DKK2: variants seen among roughly 807,000 people sequenced by gnomAD.
DKK2 encodes dickkopf Wnt signaling pathway inhibitor 2.
In DKK2, 11 loss-of-function variants were observed where a neutral mutation model predicts 28.1. The ratio of observed to expected loss-of-function variants is 0.39; its 90% CI spans 0.25 to 0.65. The LOEUF (loss-of-function observed/expected upper bound fraction) is 0.65. Among genes scored for constraint, DKK2 ranks in the 30% least tolerant of loss-of-function variants. The pLI is 0.47. For synonymous variants in DKK2, 135 were observed against 126.5 expected, an observed-to-expected ratio of 1.07 and a Z score of -0.45; for missense variants, 326 against 335.5, an observed-to-expected ratio of 0.97 and a Z score of 0.22.
intron 1 of DKK2, among the ~76,000 whole-genome samples, chr4:106,964,964 G>GATAGATAGATATAGATAA (rs1371065800): frequency 8.3e-6 from 1 of 120,668 alleles, no homozygotes; most frequent in Non-Finnish European, 1.8e-5. Context: ...GATAGATATA[G>GATAGATAGATATAGATAA]ATAGATAGAT....
chr4:106,941,009 G>C (rs1368990697), intron 1 of DKK2, among the ~76,000 whole-genome samples: 1 of 152,024 alleles, frequency 6.6e-6, no homozygotes, highest in East Asian at 1.9e-4. Flanking sequence ...CCTAATGCTA[G>C]ATGACGAGTT....
chr4:106,944,480 T>A (rs1372887312), intron 1 of DKK2, among the ~76,000 whole-genome samples: 2 of 152,112 alleles, frequency 1.3e-5, no homozygotes, highest in Non-Finnish European at 2.9e-5. Flanking sequence ...AACATCCATA[T>A]ATTTTTTCAT....
chr4:106,957,087 G>T (rs1012409945), intron 1 of DKK2, among the ~76,000 whole-genome samples: 10 of 152,046 alleles, frequency 6.6e-5, no homozygotes, highest in African/African-American at 2.2e-4. Flanking sequence ...CAAAAAGTGG[G>T]CAAAGGACAT....
At chr4:106,959,855 T>C (rs929759976) in intron 1 of DKK2, among the ~76,000 whole-genome samples, 1 of 152,022 alleles carries the variant, frequency 6.6e-6, no homozygotes. Flanking sequence ...GTTCAAGTAA[T>C]TTTTAAATGC....
intron 1 of DKK2, among the ~76,000 whole-genome samples, chr4:106,988,071 A>G (rs922431617): frequency 1.4e-4 from 21 of 152,102 alleles, no homozygotes; most frequent in South Asian, 2.1e-4. Context: ...TCACCATGTT[A>G]GCCAGGATGG....
At chr4:107,022,523 G>A (rs1723712831) in intron 1 of DKK2, among the ~76,000 whole-genome samples, 1 of 152,114 alleles carries the variant, frequency 6.6e-6, no homozygotes, top group South Asian at 2.1e-4. Flanking sequence ...CTACTCATGA[G>A]CTGTGTGGCT....
chr4:106,978,069 G>C (rs916616371), intron 1 of DKK2, among the ~76,000 whole-genome samples: 1 of 152,210 alleles, frequency 6.6e-6, no homozygotes. Flanking sequence ...ACCAGCAGAG[G>C]CTGCAGAACA....
At position 107,035,416 on chromosome 4, in the gene DKK2, T is replaced by C; in HGVS notation, c.176A>G (p.Gln59Arg). Residue 59 changes from glutamine (Q) to arginine (R), a missense_variant, in exon 1 of 4, where the codon CAA becomes CGA. Gln to Arg is a conservative substitution (Grantham distance 43). Coordinates refer to ENST00000285311, the MANE Select transcript of DKK2 (RefSeq NM_014421.3). ...QAANRSAGMY[Q>R]GLAFGGSKKG... ...CTTACTGCCGCCGAATGCCAGTCCT[T>C]GGTACATGCCCGCAGATCGATTGGC... 4.3e-6 allele frequency: 7 copies of C among 1,614,222 alleles called. No homozygotes were observed. The highest frequency in any genetic ancestry group is 5.9e-6 in the Non-Finnish European group (7 of 1,180,034).
intron 1 of DKK2, among the ~76,000 whole-genome samples, chr4:107,013,016 C>A (rs970819778): frequency 3.3e-5 from 5 of 150,772 alleles, no homozygotes; most frequent in African/African-American, 1.2e-4. Flanking sequence ...CCATCCAACC[C>A]AAGAACTATA....
chr4:106,983,362 A>AAGAC (rs1723062043), intron 1 of DKK2, among the ~76,000 whole-genome samples: 1 of 140,654 alleles, frequency 7.1e-6, no homozygotes, highest in African/African-American at 2.6e-5. Flanking sequence ...GAAAGAAAGA[A>AAGAC]AGAAAGAAGA....
intron 1 of DKK2, among the ~76,000 whole-genome samples, chr4:106,966,110 A>T (rs1391227154): frequency 3.9e-5 from 6 of 152,174 alleles, no homozygotes; most frequent in African/African-American, 1.4e-4. Context: ...TTAAGATTTA[A>T]AAATAATTTG....
chr4:106,974,217 TA>T (rs961532621), intron 1 of DKK2, among the ~76,000 whole-genome samples: 3 of 152,122 alleles, frequency 2.0e-5, no homozygotes, highest in Non-Finnish European at 4.4e-5. Context: ...TTGTCTTGGC[TA>T]TATGGGCTCT....
In DKK2 at chr4:106,924,532, C is replaced by T. The variant is rs913105323; in HGVS notation, c.529+13G>A. 4 of 1,611,506 alleles carry T rather than the reference C, an allele frequency of 2.5e-6. No individual in the cohort carries two copies. In the South Asian group the frequency reaches 3.3e-5, roughly 13 times the overall value. On this transcript the variant is annotated intron_variant, in intron 3 of 3. Coordinates refer to ENST00000285311, the MANE Select transcript of DKK2 (RefSeq NM_014421.3). The stretch of plus-strand genomic sequence containing the variant: ...TTATTTTAAAAAAACCCCAGAACTA[C>T]AGATATCCCTACCTTTTATATGTGA...
chr4:106,995,317 A>C (rs1723256335), intron 1 of DKK2, among the ~76,000 whole-genome samples: 1 of 152,138 alleles, frequency 6.6e-6, no homozygotes, highest in Non-Finnish European at 1.5e-5. Flanking sequence ...CTTTCTATAA[A>C]ATTTATAAGT....
chr4:107,028,687 A>G (rs999944968), intron 1 of DKK2, among the ~76,000 whole-genome samples: 3 of 152,262 alleles, frequency 2.0e-5, no homozygotes, highest in African/African-American at 7.2e-5. Context: ...TCATCTAATT[A>G]TCTGAACGGC....
At chr4:106,964,960 T>TAGATAG (rs1553922185) in intron 1 of DKK2, among the ~76,000 whole-genome samples, 20 of 146,342 alleles carry the variant, frequency 1.4e-4, no homozygotes, top group African/African-American at 3.8e-4. Flanking sequence ...GATAGATAGA[T>TAGATAG]ATAGATAGAT....
intron 1 of DKK2, among the ~76,000 whole-genome samples, chr4:106,935,591 G>A (rs1239223011): frequency 6.6e-6 from 1 of 152,228 alleles, no homozygotes; most frequent in Non-Finnish European, 1.5e-5. Flanking sequence ...CAGCCTGGAA[G>A]CTCCAACTGG....
chr4:107,004,361 T>C (rs1723405984), intron 1 of DKK2, among the ~76,000 whole-genome samples: 1 of 152,212 alleles, frequency 6.6e-6, no homozygotes, highest in Non-Finnish European at 1.5e-5. Flanking sequence ...GTGTTGGTTA[T>C]TATTGACAGA....
At chr4:106,955,214 A>G (rs1301752071) in intron 1 of DKK2, among the ~76,000 whole-genome samples, 5 of 151,168 alleles carry the variant, frequency 3.3e-5, no homozygotes, top group Non-Finnish European at 7.4e-5. Context: ...TATTTCTTAT[A>G]ATGTTTAATG....
Sources: allele counts gnomAD v4.1 joint callset (sites outside exome capture counted in the v4.1 genomes callset), GRCh38; gene constraint gnomAD v4.1.1; transcripts MANE v1.5; gene names NCBI Gene and HGNC (gene_info 2026-07-23, HGNC 2026-07-21).